Variants in COX7B2 observed in about 807,000 individuals in gnomAD.
The protein encoded by COX7B2 is cytochrome c oxidase subunit 7B2, also known as cytochrome c oxidase subunit 7B2, mitochondrial.
For synonymous variants in COX7B2, 37 were observed against 32.1 expected (o/e 1.15, Z -0.51); for missense variants, 109 against 95.9 (o/e 1.14, Z -0.57).
rs151187462 is a variant in COX7B2, at chr4:46,788,349, T to C, written c.-49-53108A>G. Among the ~76,000 whole-genome samples, 35 of 152,244 alleles carry C rather than the reference T, an allele frequency of 2.3e-4. 1 individual carries two copies. In the East Asian group the frequency reaches 6.6e-3, roughly 29 times the overall value. On this transcript the variant is annotated intron_variant, in intron 2 of 2. Transcript: ENST00000355591. ...TAGACAATAAAAAATCATACATAACTAAGATTATCCAAGGAAAAGTTTTAG... is the reference window on the plus strand; with the variant it reads ...TAGACAATAAAAAATCATACATAACCAAGATTATCCAAGGAAAAGTTTTAG...
At chr4:46,849,072 A>C (rs1235708195) in intron 1 of COX7B2, among the ~76,000 whole-genome samples, 1 of 152,074 alleles carries the variant, frequency 6.6e-6, no homozygotes, top group South Asian at 2.1e-4. Flanking sequence ...TTCTTTCCCC[A>C]AATATTTTAA....
chr4:46,805,427 A>T (rs1441745337), intron 2 of COX7B2, among the ~76,000 whole-genome samples: 1 of 152,252 alleles, frequency 6.6e-6, no homozygotes, highest in Non-Finnish European at 1.5e-5. Flanking sequence ...TGTGTGTGAG[A>T]CTATGTTATA....
chr4:46,840,095 G>A (rs1488634759), intron 2 of COX7B2, among the ~76,000 whole-genome samples: 1 of 151,918 alleles, frequency 6.6e-6, no homozygotes, highest in Non-Finnish European at 1.5e-5. Flanking sequence ...GAAGTTTAAG[G>A]ATGTCAGGGC....
At chr4:46,769,579 G>A (rs1363995168) in intron 2 of COX7B2, among the ~76,000 whole-genome samples, 2 of 152,076 alleles carry the variant, frequency 1.3e-5, no homozygotes, top group African/African-American at 4.8e-5. Flanking sequence ...TTAGCCAGGT[G>A]TGTTGGCATG....
chr4:46,769,204 C>G (rs1577683744), intron 2 of COX7B2, among the ~76,000 whole-genome samples: 1 of 152,080 alleles, frequency 6.6e-6, no homozygotes, highest in South Asian at 2.1e-4. Context: ...GAGGAAGGAA[C>G]ACTTCCAAAC....
intron 2 of COX7B2, among the ~76,000 whole-genome samples, chr4:46,815,144 C>G (rs895490244): frequency 6.6e-6 from 1 of 150,900 alleles, no homozygotes; most frequent in Non-Finnish European, 1.5e-5. Flanking sequence ...CGAGATTGCA[C>G]CAGCCTAGGC....
chr4:46,804,572 T>C (rs1173765657), intron 2 of COX7B2, among the ~76,000 whole-genome samples: 1 of 148,528 alleles, frequency 6.7e-6, no homozygotes, highest in Admixed American at 6.6e-5. Flanking sequence ...CCAGAGTAGC[T>C]AGAGTAGCTA....
At chr4:46,779,735 A>G (rs1276679231) in intron 2 of COX7B2, among the ~76,000 whole-genome samples, 1 of 152,118 alleles carries the variant, frequency 6.6e-6, no homozygotes, top group Admixed American at 6.6e-5. Context: ...AGTGAAATCT[A>G]AAAAATCAAA....
At chr4:46,763,032 A>AT (rs1716290139) in intron 2 of COX7B2, among the ~76,000 whole-genome samples, 1 of 132,136 alleles carries the variant, frequency 7.6e-6, no homozygotes, top group African/African-American at 2.8e-5. Context: ...AATATAATAT[A>AT]ATATATATTA....
At chr4:46,816,232 A>T (rs988731010) in intron 2 of COX7B2, among the ~76,000 whole-genome samples, 1 of 152,224 alleles carries the variant, frequency 6.6e-6, no homozygotes, top group African/African-American at 2.4e-5. Flanking sequence ...ATCTTAACTC[A>T]TATTCTTCCT....
At chr4:46,898,212 T>C (rs1719879301) in intron 1 of COX7B2, among the ~76,000 whole-genome samples, 1 of 152,196 alleles carries the variant, frequency 6.6e-6, no homozygotes, top group Non-Finnish European at 1.5e-5. Flanking sequence ...CTTCCAAATT[T>C]ACATTATTTT....
intron 2 of COX7B2, among the ~76,000 whole-genome samples, chr4:46,827,875 G>A (rs926210014): frequency 1.3e-5 from 2 of 152,116 alleles, no homozygotes; most frequent in Non-Finnish European, 2.9e-5. Flanking sequence ...CATTCTAGAA[G>A]AAGAAAAAGT....
intron 2 of COX7B2, among the ~76,000 whole-genome samples, chr4:46,787,960 C>T (rs371412581): frequency 3.7e-4 from 56 of 152,242 alleles, no homozygotes; most frequent in African/African-American, 1.3e-3. Context: ...GCAGTCTTAA[C>T]ATGTATGGCC....
At chr4:46,848,056 T>G (rs1716410943) in intron 1 of COX7B2, among the ~76,000 whole-genome samples, 1 of 152,036 alleles carries the variant, frequency 6.6e-6, no homozygotes, top group Non-Finnish European at 1.5e-5. Context: ...ACAGCTGATT[T>G]ATCACAGATG....
At chr4:46,855,126 G>A (rs1248398091) in intron 1 of COX7B2, among the ~76,000 whole-genome samples, 1 of 151,960 alleles carries the variant, frequency 6.6e-6, no homozygotes, top group Non-Finnish European at 1.5e-5. Flanking sequence ...TCAGGAGTTC[G>A]AAACCAGCCT....
intron 2 of COX7B2, among the ~76,000 whole-genome samples, chr4:46,822,389 A>AT (rs987019978): frequency 8.5e-4 from 130 of 152,178 alleles, no homozygotes; most frequent in East Asian, 2.1e-3. Context: ...ATAAAAAAAA[A>AT]AATAATATAG....
intron 2 of COX7B2, among the ~76,000 whole-genome samples, chr4:46,736,200 C>T (rs1326207863): frequency 3.3e-5 from 5 of 152,146 alleles, no homozygotes; most frequent in African/African-American, 4.8e-5. Flanking sequence ...AAGGTTTGGT[C>T]TCTGTCCTGC....
At chr4:46,853,804 A>G (rs1204840544) in intron 1 of COX7B2, among the ~76,000 whole-genome samples, 1 of 152,132 alleles carries the variant, frequency 6.6e-6, no homozygotes, top group Admixed American at 6.6e-5. Context: ...GATTAGTGCT[A>G]TCTTTTCACT....
chr4:46,744,319 A>C (rs946420389), intron 2 of COX7B2, among the ~76,000 whole-genome samples: 2 of 151,856 alleles, frequency 1.3e-5, no homozygotes, highest in African/African-American at 4.8e-5. Context: ...CTATTTTCCT[A>C]TGCATTGCTA....
Sources: allele counts gnomAD v4.1 joint callset (sites outside exome capture counted in the v4.1 genomes callset), GRCh38; gene constraint gnomAD v4.1.1; transcripts MANE v1.5; gene names NCBI Gene and HGNC (gene_info 2026-07-23, HGNC 2026-07-21).